The following UGGT2 variants were observed in gnomAD, a reference collection of about 807,000 sequenced individuals.
The protein encoded by UGGT2 is UDP-glucose glycoprotein glucosyltransferase 2.
In UGGT2, 180 loss-of-function variants were observed where a neutral mutation model predicts 192.1. The observed-to-expected ratio is 0.94, with a 90% CI of 0.83 to 1.06. UGGT2 has a LOEUF of 1.06. Ranked by LOEUF, UGGT2 falls within the 50% of genes least tolerant of loss-of-function variation. The pLI is 0.00. For missense variants in UGGT2, 1,849 were observed against 1,795.7 expected (o/e 1.03, Z -0.54); for synonymous variants, 580 against 591.0 (o/e 0.98, Z 0.27).
chr13:95,943,134 T>A (rs903305942), intron 15 of UGGT2, among the ~76,000 whole-genome samples: 1 of 152,124 alleles, frequency 6.6e-6, no homozygotes. Context: ...TTACCTGGTA[T>A]GACAAGTCCC....
chr13:95,976,782 C>A (rs2050951221), intron 10 of UGGT2, among the ~76,000 whole-genome samples: 1 of 152,280 alleles, frequency 6.6e-6, no homozygotes, highest in Admixed American at 6.5e-5. Flanking sequence ...CTGGAGGCAT[C>A]ACGCTGACTT....
intron 12 of UGGT2, among the ~76,000 whole-genome samples, chr13:95,964,943 T>C (rs1446408357): frequency 4.6e-5 from 7 of 152,146 alleles, no homozygotes; most frequent in African/African-American, 1.2e-4. Context: ...CATGAACAGA[T>C]GCTTCTCAAA....
chr13:96,036,199 T>G (rs750898248), intron 1 of UGGT2, among the ~76,000 whole-genome samples: 1 of 152,184 alleles, frequency 6.6e-6, no homozygotes, highest in South Asian at 2.1e-4. Flanking sequence ...GTGGTATATA[T>G]ACACTACAGA....
intron 7 of UGGT2, among the ~76,000 whole-genome samples, chr13:95,992,392 G>A (rs774121164): frequency 1.3e-5 from 2 of 152,110 alleles, no homozygotes; most frequent in Non-Finnish European, 2.9e-5. Flanking sequence ...AGTTCTTGTG[G>A]AGATGGTTCA....
chr13:95,948,252 C>T (rs896223945), intron 13 of UGGT2, among the ~76,000 whole-genome samples, 171 bp from the exon 14 acceptor site: 6 of 148,274 alleles, frequency 4.0e-5, no homozygotes, highest in Non-Finnish European at 6.0e-5. Flanking sequence ...CACACACACA[C>T]ATATAAAGGA....
chr13:96,043,722 T>C (rs146972932), intron 1 of UGGT2, among the ~76,000 whole-genome samples: 12 of 152,164 alleles, frequency 7.9e-5, no homozygotes, highest in Non-Finnish European at 1.5e-4. Context: ...GCTATTCTTA[T>C]ATGAGATAAA....
chr13:95,863,788 T>C, intron 30 of UGGT2, 74 bp from the exon 31 acceptor site: 1 of 1,197,686 alleles, frequency 8.3e-7, no homozygotes, highest in Non-Finnish European at 1.2e-6. Context: ...AAGTGAAACA[T>C]ATTGGGCGAG....
At chr13:95,837,531 G>A (rs1165725968) in intron 36 of UGGT2, among the ~76,000 whole-genome samples, 1 of 152,116 alleles carries the variant, frequency 6.6e-6, no homozygotes, top group Non-Finnish European at 1.5e-5. Context: ...CTCACATTAT[G>A]CCTGCAATTA....
intron 26 of UGGT2, among the ~76,000 whole-genome samples, chr13:95,885,460 G>C (rs1594232919): frequency 6.6e-6 from 1 of 152,194 alleles, no homozygotes; most frequent in African/African-American, 2.4e-5. Context: ...TCTCCAATAT[G>C]CTTCAAAAGA....
chr13:95,925,733 C>T lies in UGGT2; in HGVS notation c.2242G>A (p.Asp748Asn). 6.3e-7 allele frequency: 1 copy of T among 1,579,822 alleles called. No individual in the cohort carries two copies. Among genetic ancestry groups the T allele is most frequent in the Non-Finnish European group, 8.6e-7 (1 of 1,159,574 alleles). ...TTTCTCCCAGAAGGCTTATCAAAAT[C>T]TGCAATAATCCAGAGAGTGACTGCA... is the stretch of plus-strand genomic sequence containing the variant. ...ISAVTLWIIA[D>N]FDKPSGRKLL... Residue 748 changes from aspartate to asparagine, a missense_variant, in exon 20 of 39, where the codon GAT becomes AAT. By Grantham distance (23) the Asp-to-Asn change is conservative. Transcript: ENST00000376747.
At chr13:95,995,690 T>C (rs936776481) in intron 7 of UGGT2, among the ~76,000 whole-genome samples, 2 of 152,006 alleles carry the variant, frequency 1.3e-5, no homozygotes, top group African/African-American at 2.4e-5. Context: ...TGATGGACTA[T>C]CCACAAGATG....
At chr13:95,881,721 GC>G (rs1201064023) in intron 27 of UGGT2, among the ~76,000 whole-genome samples, 1 of 151,916 alleles carries the variant, frequency 6.6e-6, no homozygotes, top group African/African-American at 2.4e-5. Flanking sequence ...ATCTTCTCTT[GC>G]CTTTTATGGC....
intron 20 of UGGT2, among the ~76,000 whole-genome samples, chr13:95,905,400 G>T (rs960563861): frequency 2.6e-5 from 4 of 151,880 alleles, no homozygotes; most frequent in Admixed American, 6.6e-5. Context: ...GTAATGCCTA[G>T]GTTTTCTTGT....
chr13:95,835,408 C>A (rs1186302576), intron 37 of UGGT2, among the ~76,000 whole-genome samples: 1 of 152,200 alleles, frequency 6.6e-6, no homozygotes, highest in Admixed American at 6.5e-5. Context: ...GTATGAGCCA[C>A]AACAGAACCC....
At chr13:95,928,469 C>G (rs2049118793) in intron 17 of UGGT2, among the ~76,000 whole-genome samples, 1 of 151,964 alleles carries the variant, frequency 6.6e-6, no homozygotes, top group South Asian at 2.1e-4. Context: ...GGGCTCCTCA[C>G]TTCTCAGACG....
intron 1 of UGGT2, among the ~76,000 whole-genome samples, chr13:96,032,317 T>C (rs2052862544): frequency 6.6e-6 from 1 of 151,798 alleles, no homozygotes; most frequent in Non-Finnish European, 1.5e-5. Context: ...ATAATTAAGA[T>C]AGAACATTAT....
At chr13:95,801,872 A>G (rs9590329) in intron 38 of UGGT2, 60 bp from the exon 39 acceptor site, 88,797 of 1,592,570 alleles carry the variant, frequency 0.056, 3,079 homozygotes, top group East Asian at 0.15. Flanking sequence ...TATCTTAAAT[A>G]TTACTTACAT....
At position 95,936,963 on chromosome 13, in the gene UGGT2, C is replaced by T. The variant is rs184940408; in HGVS notation, c.1938G>A (p.Met646Ile). The change falls in exon 17 of 39, where the codon ATG (methionine) becomes ATA (isoleucine). Residue 646 changes from methionine to isoleucine, a missense_variant. Physicochemically the swap from Met to Ile is conservative, Grantham distance 10. Coordinates refer to ENST00000376747, the MANE Select transcript of UGGT2 (RefSeq NM_020121.4). ...KELKMAVLQR[M>I]MDASVYLQRE... ...TTTGTAAATATACAGATGCATCCAT[C>T]ATTCTTTGAAGAACAGCCATTTTTA... 12 of 1,594,892 alleles carry T rather than the reference C, an allele frequency of 7.5e-6. No individual in the cohort carries two copies. In the Admixed American group the frequency reaches 1.5e-4, roughly 20 times the overall value.
intron 12 of UGGT2, among the ~76,000 whole-genome samples, chr13:95,950,556 C>A: frequency 8.4e-6 from 1 of 119,150 alleles, no homozygotes; most frequent in Non-Finnish European, 1.8e-5. Context: ...AAAAAAAAGT[C>A]ATGCAAAGAG....
Sources: gnomAD v4.1 joint callset for allele counts (sites outside exome capture counted in the v4.1 genomes callset) on GRCh38, gnomAD v4.1.1 for gene constraint, MANE v1.5 for transcripts, NCBI Gene and HGNC (gene_info 2026-07-23, HGNC 2026-07-21) for gene names.